The following ANKS3 variants were observed in gnomAD, a reference collection of about 807,000 sequenced individuals.
ANKS3 encodes ankyrin repeat and SAM domain-containing protein 3.
ANKS3 carries 62 observed loss-of-function variants against 80.7 expected under a neutral mutation model. The observed-to-expected ratio is 0.77, with a 90% CI of 0.63 to 0.95. The LOEUF is 0.95. ANKS3 is among the 40% of genes least tolerant of loss of function. The pLI is 0.00. For synonymous variants in ANKS3, 489 were observed against 355.3 expected (o/e 1.38, Z -4.23); for missense variants, 1,150 against 883.6 (o/e 1.30, Z -3.82).
intron 6 of ANKS3, among the ~76,000 whole-genome samples, chr16:4,723,768 T>C (rs887919334): frequency 1.3e-5 from 2 of 152,212 alleles, no homozygotes; most frequent in Non-Finnish European, 2.9e-5. Flanking sequence ...AATATTTATG[T>C]ACAAGGTTCT....
At chr16:4,714,479 C>T (rs2080671363) in intron 6 of ANKS3, among the ~76,000 whole-genome samples, 1 of 152,232 alleles carries the variant, frequency 6.6e-6, no homozygotes, top group South Asian at 2.1e-4. Context: ...AGATCCCAGC[C>T]TTCACCTTCT....
chr16:4,698,366 G>A (rs2079696488), intron 14 of ANKS3, 61 bp downstream of exon 14: 17 of 1,432,886 alleles, frequency 1.2e-5, no homozygotes, highest in Non-Finnish European at 1.5e-5. Context: ...ATGTGTGGGG[G>A]CCCAGGGGCC....
At chr16:4,717,912 C>T (rs1411704744) in intron 6 of ANKS3, among the ~76,000 whole-genome samples, 1 of 152,076 alleles carries the variant, frequency 6.6e-6, no homozygotes, top group Non-Finnish European at 1.5e-5. Context: ...TCTCCCGCCT[C>T]AGCCTCCCAA....
chr16:4,718,971 C>T (rs1009429581), intron 6 of ANKS3, among the ~76,000 whole-genome samples: 1 of 152,152 alleles, frequency 6.6e-6, no homozygotes, highest in Non-Finnish European at 1.5e-5. Context: ...AAAACATATG[C>T]ATGTTATACA....
Position 4,730,020 on chromosome 16 carries a change from A to C in ANKS3, c.130T>G (p.Ser44Ala), listed in dbSNP as rs768578550. Residue 44 changes from serine to alanine, a missense_variant, in exon 3 of 18, where the codon TCC becomes GCC. Physicochemically the swap from Ser to Ala is moderately conservative, Grantham distance 99. Transcript: ENST00000304283. Reference sequence around the variant, plus strand: ...TTCACCACTTCATACTGGCCAATGGAAGCAGCTGTGTGAAGATCCAGGGGG... The same window carrying C: ...TTCACCACTTCATACTGGCCAATGGCAGCAGCTGTGTGAAGATCCAGGGGG... ...DVPLDLHTAA[S>A]IGQYEVVKEC... 4 of 1,571,598 alleles carry C rather than the reference A, an allele frequency of 2.5e-6. No homozygotes were observed. The highest frequency in any genetic ancestry group is 3.5e-5 in the Admixed American group (2 of 56,472).
intron 13 of ANKS3, 43 bp from the exon 14 acceptor site, chr16:4,698,642 G>A: frequency 6.5e-7 from 1 of 1,534,044 alleles, no homozygotes; most frequent in Non-Finnish European, 8.7e-7. Flanking sequence ...GAGGTGGCCG[G>A]TCAAGCCAGA....
At chr16:4,707,006 G>A (rs1443299438) in intron 7 of ANKS3, among the ~76,000 whole-genome samples, 1 of 152,062 alleles carries the variant, frequency 6.6e-6, no homozygotes, top group Non-Finnish European at 1.5e-5. Flanking sequence ...GACTGAGCTA[G>A]CCATATGGAC....
intron 7 of ANKS3, among the ~76,000 whole-genome samples, chr16:4,710,626 T>G (rs1274388969): frequency 6.6e-6 from 1 of 151,922 alleles, no homozygotes; most frequent in African/African-American, 2.4e-5. Context: ...GAAGGATCGT[T>G]TTGAGCCTGG....
Position 4,698,479 on chromosome 16 carries a change from G to C in ANKS3, c.1672C>G (p.Arg558Gly). 1 of 1,548,932 alleles carries C rather than the reference G, an allele frequency of 6.5e-7. No homozygotes were observed. Among genetic ancestry groups the C allele is most frequent in the Non-Finnish European group, 8.7e-7 (1 of 1,154,446 alleles). ...RAREDLQARL[R>G]ETWALARDAA... is the part of the protein sequence containing the mutation. ...TCCCGGGCCAGGGCCCACGTCTCCC[G>C]CAGCCGGGCCTGGAGGTCCTCGCGG... Residue 558 changes from arginine to glycine, a missense_variant, in exon 14 of 18, where the codon CGG becomes GGG. By Grantham distance (125) the Arg-to-Gly change is moderately radical (BLOSUM62 -2). Transcript: ENST00000304283.
At chr16:4,708,854 G>T (rs1040398730) in intron 7 of ANKS3, among the ~76,000 whole-genome samples, 1 of 151,740 alleles carries the variant, frequency 6.6e-6, no homozygotes, top group Non-Finnish European at 1.5e-5. Context: ...CAGGAGAATC[G>T]CTTGAACCTG....
chr16:4,711,098 A>ATTTTTT (rs35899381), intron 7 of ANKS3, among the ~76,000 whole-genome samples: 6 of 104,472 alleles, frequency 5.7e-5, no homozygotes, highest in South Asian at 6.5e-4. Context: ...CTGAAACAGA[A>ATTTTTT]TTTTTTTTTT....
In ANKS3 at chr16:4,701,052, G is replaced by A. The variant is rs778937795; in HGVS notation, c.1202C>T (p.Pro401Leu). The change falls in exon 11 of 18, where the codon CCT becomes CTT. Residue 401 changes from proline to leucine, a missense_variant. Coordinates refer to ENST00000304283, the MANE Select transcript of ANKS3 (RefSeq NM_133450.4). ...TTCCCTGTCAGTTGCAGCGCGGGGA[G>A]GCCACTGGCTGTCAGGATTCTTGGT... ...MKTKNPDSQW[P>L]PRAATDREGF... The A allele has an allele frequency of 5.0e-6, 8 of 1,614,136 alleles. No individual in the cohort carries two copies. The South Asian group carries it at 5.5e-5, about 11-fold the overall frequency.
chr16:4,697,716 G>A (rs1056548540), intron 15 of ANKS3, among the ~76,000 whole-genome samples: 1 of 152,208 alleles, frequency 6.6e-6, no homozygotes, highest in Non-Finnish European at 1.5e-5. Flanking sequence ...TCTCAGCACA[G>A]CACAGCCAGC....
Position 4,726,982 on chromosome 16 carries a change from G to A in ANKS3, c.366C>T (p.Leu122=). The A allele has an allele frequency of 6.2e-7, 1 of 1,614,062 alleles. No homozygotes were observed. The highest frequency in any genetic ancestry group is 8.5e-7 in the Non-Finnish European group (1 of 1,180,044). ...CCTGAGTTCCCTCGTAGCTCACCTGGAGAAGAAAGTAGGCGATGCTCTCGT... is the reference window on the plus strand; with the variant it reads ...CCTGAGTTCCCTCGTAGCTCACCTGAAGAAGAAAGTAGGCGATGCTCTCGT... ...CGNESIAYFL[L]QQGAELEMKD... The change falls in exon 4 of 18, where the codon CTC becomes CTT. Residue 122 remains leucine (L), a synonymous_variant. Coordinates refer to ENST00000304283, the MANE Select transcript of ANKS3 (RefSeq NM_133450.4).
intron 3 of ANKS3, chr16:4,729,588 T>A (rs1443329916): frequency 2.0e-5 from 3 of 153,526 alleles, no homozygotes; most frequent in Non-Finnish European, 4.4e-5. Flanking sequence ...CTCAAACTCC[T>A]GACCTCAAGT....
chr16:4,733,783 A>G (rs1273160907), intron 1 of ANKS3, among the ~76,000 whole-genome samples, 155 bp downstream of exon 1: 1 of 152,220 alleles, frequency 6.6e-6, no homozygotes, highest in Non-Finnish European at 1.5e-5. Context: ...AAATTTTTAA[A>G]AATCTTAACA....
At chr16:4,712,394 A>AG (rs1567368726) in intron 7 of ANKS3, among the ~76,000 whole-genome samples, 1 of 152,168 alleles carries the variant, frequency 6.6e-6, no homozygotes, top group Non-Finnish European at 1.5e-5. Flanking sequence ...ACAAAAAAAA[A>AG]GAAGAAAGAA....
chr16:4,731,337 T>C (rs995445182), intron 2 of ANKS3, among the ~76,000 whole-genome samples, 175 bp downstream of exon 2: 3 of 152,194 alleles, frequency 2.0e-5, no homozygotes, highest in African/African-American at 7.2e-5. Context: ...TGGAGTGCAG[T>C]GGCATGATTT....
chr16:4,720,852 G>A (rs867321313), intron 6 of ANKS3, among the ~76,000 whole-genome samples: 1 of 150,050 alleles, frequency 6.7e-6, no homozygotes, highest in Non-Finnish European at 1.5e-5. Flanking sequence ...CAGGAGAATC[G>A]CTTGAACCTG....
Sources: gnomAD v4.1 joint callset for allele counts (sites outside exome capture counted in the v4.1 genomes callset) on GRCh38, gnomAD v4.1.1 for gene constraint, MANE v1.5 for transcripts, NCBI Gene and HGNC (gene_info 2026-07-23, HGNC 2026-07-21) for gene names.